The following TMEM132D variants were observed in gnomAD, a reference collection of about 807,000 sequenced individuals.
TMEM132D encodes the protein transmembrane protein 132D, also known as mature OL transmembrane protein.
In TMEM132D, 21 loss-of-function variants were observed where a neutral mutation model predicts 62.3. The ratio of observed to expected loss-of-function variants is 0.34; its 90% CI spans 0.24 to 0.49. The LOEUF is 0.49. Ranked by LOEUF, TMEM132D falls within the 20% of genes least tolerant of loss-of-function variation. TMEM132D has a pLI of 0.99. For missense variants in TMEM132D, 1,346 were observed against 1,402.8 expected (o/e 0.96, Z 0.65); for synonymous variants, 621 against 575.6 (o/e 1.08, Z -1.13).
At chr12:129,441,242 C>T (rs1593009960) in intron 3 of TMEM132D, among the ~76,000 whole-genome samples, 1 of 152,214 alleles carries the variant, frequency 6.6e-6, no homozygotes, top group Non-Finnish European at 1.5e-5. Context: ...TCTCGTGACT[C>T]TTAAGTGCAG....
At position 129,610,749 on chromosome 12, in the gene TMEM132D, A is replaced by T. The variant is rs900196774; in HGVS notation, c.969-79544T>A. On this transcript the variant is annotated intron_variant, in intron 2 of 8. Coordinates refer to ENST00000422113, the MANE Select transcript of TMEM132D (RefSeq NM_133448.3). The stretch of plus-strand genomic sequence containing the variant: ...ATTGATGATGTTAACATAAAAAAAA[A>T]AAACTTTAGAAGGCTGCTCTCTTCT... Among the ~76,000 whole-genome samples the T allele has an allele frequency of 1.8e-4, 28 of 152,300 alleles. No individual in the cohort carries two copies. The South Asian group carries it at 1.9e-3, about 10-fold the overall frequency.
At chr12:129,139,882 T>G (rs1006658784) in intron 5 of TMEM132D, among the ~76,000 whole-genome samples, 1 of 151,970 alleles carries the variant, frequency 6.6e-6, no homozygotes, top group Non-Finnish European at 1.5e-5. Flanking sequence ...AGCTAATTTT[T>G]GTATTTTTTT....
At chr12:129,439,323 C>T (rs1872875593) in intron 3 of TMEM132D, among the ~76,000 whole-genome samples, 1 of 152,072 alleles carries the variant, frequency 6.6e-6, no homozygotes, top group Admixed American at 6.6e-5. Flanking sequence ...TAGTTTTTCC[C>T]TCCTCTTTTT....
intron 4 of TMEM132D, among the ~76,000 whole-genome samples, chr12:129,334,448 C>T (rs1869211563): frequency 6.7e-6 from 1 of 150,210 alleles, no homozygotes; most frequent in Admixed American, 6.6e-5. Context: ...TGACAACACT[C>T]TTTTACCAAC....
chr12:129,453,542 C>T (rs1873370309), intron 3 of TMEM132D, among the ~76,000 whole-genome samples: 1 of 152,148 alleles, frequency 6.6e-6, no homozygotes, highest in South Asian at 2.1e-4. Context: ...GATTTATTGA[C>T]ATGTGATGAA....
intron 4 of TMEM132D, among the ~76,000 whole-genome samples, chr12:129,282,555 A>C (rs1388611908): frequency 1.3e-5 from 2 of 152,118 alleles, no homozygotes; most frequent in Non-Finnish European, 2.9e-5. Flanking sequence ...GAGATTTGGC[A>C]ACCCTCTCCT....
rs1352365810 is a variant in TMEM132D at position 129,463,458 on chromosome 12, T to G, written c.1115+67601A>C. Among the ~76,000 whole-genome samples, 5 of 96,898 alleles carry G rather than the reference T, an allele frequency of 5.2e-5. No individual in the cohort carries two copies. In the South Asian group the frequency reaches 1.4e-3, roughly 28 times the overall value. 63.6% of individuals were successfully genotyped at this position (96,898 alleles called of 152,430 possible). A position where few individuals can be genotyped will look rare whatever the true frequency, so the allele number is the denominator to read the frequency against. On this transcript the variant is annotated intron_variant, in intron 3 of 8. Transcript: ENST00000422113. Reference sequence around the variant, plus strand: ...CTGTCCTATTTATTTATTTATTTATTTATTTATTTATGTATTATTATTATT... The same window carrying G: ...CTGTCCTATTTATTTATTTATTTATGTATTTATTTATGTATTATTATTATT...
chr12:129,300,394 G>A (rs967744133), intron 4 of TMEM132D, among the ~76,000 whole-genome samples: 3 of 152,236 alleles, frequency 2.0e-5, no homozygotes, highest in Non-Finnish European at 4.4e-5. Flanking sequence ...TTGGGATGAA[G>A]AAATGTGACG....
chr12:129,127,677 A>G (rs1876255836), intron 5 of TMEM132D, among the ~76,000 whole-genome samples: 2 of 152,098 alleles, frequency 1.3e-5, no homozygotes, highest in Non-Finnish European at 2.9e-5. Context: ...TACACCGAGA[A>G]AGAAGGAGCA....
chr12:129,587,236 A>G (rs531052600), intron 2 of TMEM132D, among the ~76,000 whole-genome samples: 1 of 152,310 alleles, frequency 6.6e-6, no homozygotes, highest in Admixed American at 6.5e-5. Flanking sequence ...CATGTCCTTT[A>G]CAGGGACATG....
chr12:129,358,786 G>T (rs1332308632), intron 3 of TMEM132D, among the ~76,000 whole-genome samples: 1 of 152,122 alleles, frequency 6.6e-6, no homozygotes, highest in African/African-American at 2.4e-5. Flanking sequence ...ATGGGTAGAG[G>T]CAAAGGGAAT....
At position 129,636,340 on chromosome 12, in the gene TMEM132D, T is replaced by C. The variant is rs114769641; in HGVS notation, c.968+63470A>G. On this transcript the variant is annotated intron_variant, in intron 2 of 8. Transcript: ENST00000422113. ...CTTTGGTTCCTTCCAAGGCCTGCTA[T>C]CTGTCATGTAATGCTATACTAGAGT... 4.1e-3 allele frequency among the ~76,000 whole-genome samples: 629 copies of C among 152,356 alleles called. 5 individuals are homozygous for C. Among genetic ancestry groups the C allele is most frequent in the African/African-American group, 0.014 (596 of 41,590 alleles).
intron 2 of TMEM132D, among the ~76,000 whole-genome samples, chr12:129,543,531 GC>G (rs1876650713): frequency 2.0e-5 from 3 of 152,150 alleles, no homozygotes; most frequent in Admixed American, 1.3e-4. Context: ...TCAGAGCTTA[GC>G]CTGGCCTACT....
chr12:129,566,887 C>T (rs1485273032), intron 2 of TMEM132D, among the ~76,000 whole-genome samples: 1 of 152,226 alleles, frequency 6.6e-6, no homozygotes, highest in Non-Finnish European at 1.5e-5. Flanking sequence ...TAAATAATAA[C>T]TCTTTCAACA....
At chr12:129,829,483 A>G (rs1872764565) in intron 1 of TMEM132D, among the ~76,000 whole-genome samples, 1 of 152,136 alleles carries the variant, frequency 6.6e-6, no homozygotes, top group African/African-American at 2.4e-5. Flanking sequence ...ATGCTCCCCT[A>G]AGGAATGAGA....
chr12:129,166,402 C>T (rs575323944), intron 5 of TMEM132D, among the ~76,000 whole-genome samples: 13 of 152,250 alleles, frequency 8.5e-5, no homozygotes, highest in East Asian at 3.9e-4. Flanking sequence ...GTTTCATCTC[C>T]GGCTACTGTT....
intron 3 of TMEM132D, among the ~76,000 whole-genome samples, chr12:129,460,108 C>T (rs879784769): frequency 9.2e-5 from 14 of 152,164 alleles, no homozygotes; most frequent in African/African-American, 1.4e-4. Flanking sequence ...CATCATAGTA[C>T]GGCCACAACT....
At chr12:129,891,362 T>C (rs1874917903) in intron 1 of TMEM132D, among the ~76,000 whole-genome samples, 1 of 151,956 alleles carries the variant, frequency 6.6e-6, no homozygotes, top group Non-Finnish European at 1.5e-5. Flanking sequence ...CAAAACAGAG[T>C]TCTGGGGGCC....
intron 5 of TMEM132D, among the ~76,000 whole-genome samples, chr12:129,134,090 G>A (rs1044773520): frequency 1.4e-5 from 2 of 146,452 alleles, no homozygotes; most frequent in African/African-American, 5.0e-5. Context: ...TGTGTTGTAT[G>A]TGTGTGTGTG....
Sources: gnomAD v4.1 joint callset for allele counts (sites outside exome capture counted in the v4.1 genomes callset) on GRCh38, gnomAD v4.1.1 for gene constraint, MANE v1.5 for transcripts, NCBI Gene and HGNC (gene_info 2026-07-23, HGNC 2026-07-21) for gene names.